The following SHTN1 variants were observed in gnomAD, a reference collection of about 807,000 sequenced individuals.
SHTN1 encodes the protein shootin-1.
Under a neutral mutation model 83.1 loss-of-function variants are expected in SHTN1, and 42 were observed. The ratio of observed to expected loss-of-function variants is 0.51; its 90% CI spans 0.39 to 0.65. SHTN1 has a LOEUF of 0.65. SHTN1 is among the 30% of genes least tolerant of loss of function. The pLI is 0.00. For missense variants in SHTN1, 622 were observed against 737.8 expected (o/e 0.84, Z 1.82); for synonymous variants, 224 against 247.7 (o/e 0.90, Z 0.90).
At chr10:116,928,004 C>T in intron 10 of SHTN1, 113 bp from the exon 11 acceptor site, 1 of 1,218,984 alleles carries the variant, frequency 8.2e-7, no homozygotes. Context: ...TTTATTAAGG[C>T]AAAATTAGAA....
At chr10:117,037,819 A>G (rs1489720606) in intron 2 of SHTN1, among the ~76,000 whole-genome samples, 1 of 152,042 alleles carries the variant, frequency 6.6e-6, no homozygotes. Context: ...CGTCCTGGCC[A>G]ATATGGTGAA....
intron 1 of SHTN1, among the ~76,000 whole-genome samples, chr10:116,982,988 T>C (rs775773221): frequency 1.3e-5 from 2 of 151,822 alleles, no homozygotes; most frequent in Non-Finnish European, 2.9e-5. Context: ...CAGATGAATC[T>C]GACCAATTCT....
intron 1 of SHTN1, among the ~76,000 whole-genome samples, chr10:117,078,688 A>G (rs761085767): frequency 7.9e-5 from 12 of 152,238 alleles, no homozygotes; most frequent in Non-Finnish European, 1.2e-4. Context: ...TTTAGGCAGG[A>G]GGAAAATCCT....
intron 9 of SHTN1, 49 bp downstream of exon 9, chr10:116,940,417 A>G: frequency 6.4e-7 from 1 of 1,570,840 alleles, no homozygotes; most frequent in Non-Finnish European, 8.7e-7. Context: ...ATATGTGTGT[A>G]TGCATGTATG....
At chr10:116,974,264 C>T in intron 2 of SHTN1, 1 of 382,184 alleles carries the variant, frequency 2.6e-6, no homozygotes, top group Non-Finnish European at 3.6e-6. Flanking sequence ...TTTCAAACTG[C>T]TAAGTAATTA....
intron 1 of SHTN1, among the ~76,000 whole-genome samples, chr10:117,097,887 G>A (rs1853528596): frequency 6.6e-6 from 1 of 151,900 alleles, no homozygotes; most frequent in Admixed American, 6.6e-5. Context: ...GGTTATCAAA[G>A]GTTGTTTTTT....
At chr10:116,930,670 C>T (rs906954432) in intron 9 of SHTN1, among the ~76,000 whole-genome samples, 28 of 152,132 alleles carry the variant, frequency 1.8e-4, no homozygotes, top group African/African-American at 2.4e-5. Context: ...TTTGCTGTTG[C>T]ATATAGTGCT....
At chr10:116,962,394 A>C (rs1850214530) in intron 3 of SHTN1, among the ~76,000 whole-genome samples, 1 of 152,204 alleles carries the variant, frequency 6.6e-6, no homozygotes, top group African/African-American at 2.4e-5. Flanking sequence ...AAAAATGTGA[A>C]GGAAAGAGAA....
chr10:117,030,731 T>C (rs1852403040), intron 2 of SHTN1, among the ~76,000 whole-genome samples: 1 of 151,920 alleles, frequency 6.6e-6, no homozygotes, highest in Non-Finnish European at 1.5e-5. Context: ...AATGCATCAG[T>C]CTTTTAGTAG....
At chr10:117,120,874 A>T (rs941245373) in intron 1 of SHTN1, among the ~76,000 whole-genome samples, 1 of 150,538 alleles carries the variant, frequency 6.6e-6, no homozygotes, top group Non-Finnish European at 1.5e-5. Flanking sequence ...CAGTGGCACG[A>T]TCTCAGCTCA....
At chr10:117,044,758 A>G (rs1447042205) in intron 2 of SHTN1, among the ~76,000 whole-genome samples, 8 of 152,270 alleles carry the variant, frequency 5.3e-5, no homozygotes, top group Non-Finnish European at 1.2e-4. Context: ...TTGAAGTGAA[A>G]AGTATGGTCA....
At chr10:117,066,961 A>T (rs1478741804) in intron 1 of SHTN1, among the ~76,000 whole-genome samples, 2 of 152,226 alleles carry the variant, frequency 1.3e-5, no homozygotes, top group African/African-American at 4.8e-5. Context: ...CCTCACTAAG[A>T]CTTGGAAAGT....
rs543974613 is a variant in SHTN1 at position 116,910,101 on chromosome 10, ATCTT to A, written c.1359+1685_1359+1688del. ...AGGTCGAGCTAGGAGCTTTCTTTTTATCTTTCTTATAAGAATGTGTGTGGTTTAT... is the reference window on the plus strand; with the variant it reads ...AGGTCGAGCTAGGAGCTTTCTTTTTATCTTATAAGAATGTGTGTGGTTTAT... On this transcript the variant is annotated intron_variant, in intron 14 of 16. Coordinates refer to ENST00000355371, the MANE Select transcript of SHTN1 (RefSeq NM_001127211.3). Among the ~76,000 whole-genome samples the A allele has an allele frequency of 3.4e-4, 52 of 152,240 alleles. No individual in the cohort carries two copies. In the South Asian group the frequency reaches 0.01, roughly 30 times the overall value.
intron 14 of SHTN1, among the ~76,000 whole-genome samples, chr10:116,909,864 G>A (rs921916331): frequency 2.0e-5 from 3 of 152,066 alleles, no homozygotes; most frequent in Non-Finnish European, 4.4e-5. Flanking sequence ...CAATAGAACC[G>A]AACACAGTGT....
chr10:116,997,841 C>T (rs1418233956), intron 1 of SHTN1, among the ~76,000 whole-genome samples: 1 of 152,124 alleles, frequency 6.6e-6, no homozygotes, highest in African/African-American at 2.4e-5. Context: ...GCCTGTAAAC[C>T]CAGCACTTTG....
chr10:117,086,785 A>T (rs1853358789), intron 1 of SHTN1, among the ~76,000 whole-genome samples: 1 of 152,226 alleles, frequency 6.6e-6, no homozygotes, highest in African/African-American at 2.4e-5. Context: ...CAGGGACTCA[A>T]ACAGATACGT....
chr10:116,964,928 T>C (rs1407016050), intron 3 of SHTN1, among the ~76,000 whole-genome samples: 1 of 152,008 alleles, frequency 6.6e-6, no homozygotes. Context: ...AACACGCCAC[T>C]GTACTCCAGC....
chr10:116,954,099 C>G lies in SHTN1; in HGVS notation c.379G>C (p.Asp127His), dbSNP rs759981170. ...INIDDEDSTT[D>H]TDGAAETCVS... Reference sequence around the variant, plus strand: ...CAAGTCTCGGCGGCACCGTCTGTGTCTGTAGTCGAATCTTCATCATCAATG... The same window carrying G: ...CAAGTCTCGGCGGCACCGTCTGTGTGTGTAGTCGAATCTTCATCATCAATG... Residue 127 changes from aspartate to histidine, a missense_variant, in exon 5 of 17, where the codon GAC becomes CAC. Physicochemically the swap from Asp to His is moderately conservative, Grantham distance 81 (BLOSUM62 -1). Around this residue, in one of 3 missense-constraint regions of SHTN1, gnomAD observed 383 missense variants for 455.8 expected, o/e 0.84. Coordinates refer to ENST00000355371, the MANE Select transcript of SHTN1 (RefSeq NM_001127211.3). 1 of 1,614,062 alleles carries G rather than the reference C, an allele frequency of 6.2e-7. No individual in the cohort carries two copies. The highest frequency in any genetic ancestry group is 8.5e-7 in the Non-Finnish European group (1 of 1,179,968).
At chr10:117,072,827 C>T (rs779242190) in intron 1 of SHTN1, among the ~76,000 whole-genome samples, 2 of 152,146 alleles carry the variant, frequency 1.3e-5, no homozygotes, top group Non-Finnish European at 2.9e-5. Context: ...AAAAATCACA[C>T]TAGCTCACGA....
Sources: gnomAD v4.1 joint callset for allele counts (sites outside exome capture counted in the v4.1 genomes callset) on GRCh38, gnomAD v4.1.1 for gene constraint, gnomAD v4.1.1 regional missense constraint, MANE v1.5 for transcripts, NCBI Gene and HGNC (gene_info 2026-07-23, HGNC 2026-07-21) for gene names.